The following SLC38A11 variants were observed in gnomAD, a reference collection of about 807,000 sequenced individuals.
SLC38A11 encodes solute carrier family 38 member 11, also known as putative sodium-coupled neutral amino acid transporter 11.
SLC38A11 carries 51 observed loss-of-function variants against 49.4 expected under a neutral mutation model. The ratio of observed to expected loss-of-function variants is 1.03; its 90% CI spans 0.83 to 1.30. The LOEUF (loss-of-function observed/expected upper bound fraction) is 1.30, where lower values mean the gene tolerates loss of function less well. SLC38A11 is among the 50% of genes most tolerant of loss of function. SLC38A11 has a pLI of 0.00. For synonymous variants in SLC38A11, 203 were observed against 192.9 expected, an observed-to-expected ratio of 1.05 and a Z score of -0.43; for missense variants, 574 against 556.2, an observed-to-expected ratio of 1.03 and a Z score of -0.32.
At chr2:164,947,084 GCTCAA>G (rs1461230708) in intron 3 of SLC38A11, among the ~76,000 whole-genome samples, 1 of 131,180 alleles carries the variant, frequency 7.6e-6, no homozygotes, top group Non-Finnish European at 1.6e-5. Context: ...CTTTTACTCT[GCTCAA>G]GTCCTGGATT....
rs986750104 is a variant in SLC38A11, at chr2:164,894,772, CTG to C, written c.*3663_*3664del. Among the ~76,000 whole-genome samples the C allele has an allele frequency of 6.6e-6, 1 of 152,146 alleles. No individual in the cohort carries two copies. The highest frequency in any genetic ancestry group is 2.4e-5 in the African/African-American group (1 of 41,428). ...ATTGTCGTGGTTTCTCCTCTTCTCA[CTG>C]TGTCTCTAGATGATTTTTCAAAGAG... On this transcript the variant is annotated 3_prime_UTR_variant, in exon 12 of 12. Coordinates refer to ENST00000685975, the MANE Select transcript of SLC38A11 (RefSeq NM_001351537.2).
rs1485197215 is a variant in SLC38A11 at position 164,939,521 on chromosome 2, T to C, written c.466A>G (p.Ile156Val). 3 of 1,610,550 alleles carry C rather than the reference T, an allele frequency of 1.9e-6. No individual in the cohort carries two copies. The highest frequency in any genetic ancestry group is 2.5e-6 in the Non-Finnish European group (3 of 1,177,906). ...PENVFIGRHF[I>V]IGLSTVTFTL... is the part of the protein sequence containing the mutation. ...AAGGTAACTGTGGAAAGTCCAATAA[T>C]GAAGTGGCGACCAATAAACACGTTT... Residue 156 changes from isoleucine (I) to valine (V), a missense_variant, in exon 6 of 12, where the codon ATT becomes GTT. Transcript: ENST00000685975.
chr2:164,914,467 G>T (rs1225939956), intron 9 of SLC38A11, among the ~76,000 whole-genome samples: 1 of 151,942 alleles, frequency 6.6e-6, no homozygotes, highest in South Asian at 2.1e-4. Flanking sequence ...GACAAATATA[G>T]AACAACTGAG....
At chr2:164,911,403 A>G (rs1685390388) in intron 10 of SLC38A11, among the ~76,000 whole-genome samples, 1 of 152,130 alleles carries the variant, frequency 6.6e-6, no homozygotes, top group South Asian at 2.1e-4. Flanking sequence ...ATATAAGCCA[A>G]ATCTACCAAA....
At chr2:164,916,643 T>C (rs1685811911) in intron 7 of SLC38A11, among the ~76,000 whole-genome samples, 1 of 152,172 alleles carries the variant, frequency 6.6e-6, no homozygotes, top group South Asian at 2.1e-4. Flanking sequence ...CCCATGTTTT[T>C]TCCAGGCAGA....
rs1684385134 is a variant in SLC38A11, at chr2:164,896,822, T to C, written c.*1615A>G. ...TTTATGTTCAATAGGCCTTTCTCAC[T>C]ATGAGTCACACAGTGACTCAGCTCT... On this transcript the variant is annotated 3_prime_UTR_variant, in exon 12 of 12. Transcript: ENST00000685975. 1.3e-5 allele frequency: 2 copies of C among 152,130 alleles called. No homozygotes were observed. The highest frequency in any genetic ancestry group is 1.3e-4 in the Admixed American group (2 of 15,252). The allele number at this position is 152,130 out of a possible 1,614,324, so 9.4% of individuals were successfully genotyped here.
chr2:164,915,021 A>G (rs1221489766), intron 9 of SLC38A11, 91 bp downstream of exon 9: 1 of 1,173,432 alleles, frequency 8.5e-7, no homozygotes, highest in Non-Finnish European at 1.2e-6. Context: ...TTGAAATAGA[A>G]CACTGGGCAT....
chr2:164,901,378 C>T (rs1684641019), intron 11 of SLC38A11, among the ~76,000 whole-genome samples: 1 of 151,948 alleles, frequency 6.6e-6, no homozygotes, highest in South Asian at 2.1e-4. Flanking sequence ...TAATTCCATC[C>T]ACAGGATATC....
intron 7 of SLC38A11, among the ~76,000 whole-genome samples, chr2:164,918,975 C>A (rs537054971): frequency 6.6e-6 from 1 of 152,100 alleles, no homozygotes; most frequent in East Asian, 1.9e-4. Flanking sequence ...ATATAAACAT[C>A]AATTTACCCC....
In SLC38A11 at chr2:164,911,703, A is replaced by G. The variant is rs759201954; in HGVS notation, c.896T>C (p.Phe299Ser). 1.5e-5 allele frequency: 24 copies of G among 1,607,140 alleles called. No homozygotes were observed. The highest frequency in any genetic ancestry group is 1.9e-5 in the Non-Finnish European group (22 of 1,176,538). Residue 299 changes from phenylalanine to serine, a missense_variant, in exon 10 of 12, where the codon TTT becomes TCT. Coordinates refer to ENST00000685975, the MANE Select transcript of SLC38A11 (RefSeq NM_001351537.2). ...NYCRNDDLVT[F>S]GRFCYGVTVI... The stretch of plus-strand genomic sequence containing the variant: ...AGTGACACCATAACAAAATCTTCCA[A>G]ATGTTACCAGGTCATCATTTCTGCA...
intron 11 of SLC38A11, among the ~76,000 whole-genome samples, chr2:164,903,888 T>C (rs530673660): frequency 6.6e-5 from 10 of 152,296 alleles, no homozygotes; most frequent in African/African-American, 2.2e-4. Context: ...TGAATTTTCC[T>C]ACCTGAATAG....
chr2:164,945,759 T>C (rs972314575), intron 3 of SLC38A11, 32 bp from the exon 4 acceptor site: 2 of 1,578,304 alleles, frequency 1.3e-6, no homozygotes, highest in Non-Finnish European at 1.7e-6. Flanking sequence ...AATGTCAGAT[T>C]ACATGTAATA....
intron 7 of SLC38A11, among the ~76,000 whole-genome samples, chr2:164,921,190 A>G (rs1365462402): frequency 6.6e-6 from 1 of 152,236 alleles, no homozygotes; most frequent in East Asian, 1.9e-4. Context: ...CATATTACTT[A>G]GAAATAGAGA....
rs1166293648 is a variant in SLC38A11, at chr2:164,915,936, T to C, written c.655A>G (p.Asn219Asp). ...ATAACCCCGACCGCTTGAATGGCAT[T>C]GGGCTTTGCAAATACCCAAGCGTCT... ...TEDAWVFAKP[N>D]AIQAVGVMSF... Residue 219 changes from asparagine to aspartate, a missense_variant, in exon 8 of 12, where the codon AAT becomes GAT. Coordinates refer to ENST00000685975, the MANE Select transcript of SLC38A11 (RefSeq NM_001351537.2). 2 of 1,602,894 alleles carry C rather than the reference T, an allele frequency of 1.2e-6. No individual in the cohort carries two copies. Among genetic ancestry groups the C allele is most frequent in the East Asian group, 2.2e-5 (1 of 44,680 alleles).
At position 164,947,117 on chromosome 2, in the gene SLC38A11, C is replaced by CTTTTTTTTT. The variant is rs200284770; in HGVS notation, c.230-1399_230-1391dup. 2.0e-3 allele frequency among the ~76,000 whole-genome samples: 147 copies of CTTTTTTTTT among 72,860 alleles called. 15 individuals carry two copies. The highest frequency in any genetic ancestry group is 9.5e-3 in the African/African-American group (123 of 12,954). The allele number at this position is 72,860 out of a possible 152,430, so 47.8% of individuals were successfully genotyped here. On this transcript the variant is annotated intron_variant, in intron 3 of 11. Transcript: ENST00000685975. ...CCTGGATTCTTGGACTTTTTTATCT[C>CTTTTTTTTT]TTTTTTTTTTTTTTTTTTTTTTTTT... is the stretch of plus-strand genomic sequence containing the variant.
intron 4 of SLC38A11, among the ~76,000 whole-genome samples, chr2:164,945,080 A>T (rs1352129276): frequency 6.6e-6 from 1 of 152,142 alleles, no homozygotes; most frequent in Non-Finnish European, 1.5e-5. Flanking sequence ...GACATATGGA[A>T]CTAGTGGTTT....
chr2:164,896,585 T>C lies in SLC38A11; in HGVS notation c.*1852A>G, dbSNP rs1684380658. 1 of 152,152 alleles carries C rather than the reference T, an allele frequency of 6.6e-6. No homozygotes were observed. The highest frequency in any genetic ancestry group is 1.9e-4 in the East Asian group (1 of 5,202). The allele number at this position is 152,152 out of a possible 1,614,324, so 9.4% of individuals were successfully genotyped here. A position where few individuals can be genotyped will look rare whatever the true frequency, so the allele number is the denominator to read the frequency against. On this transcript the variant is annotated 3_prime_UTR_variant, in exon 12 of 12. Coordinates refer to ENST00000685975, the MANE Select transcript of SLC38A11 (RefSeq NM_001351537.2). ...TTACATGGAATGAAAGCATTTTTATTATATTTTACCTAAACATGTACCAAT... is the reference window on the plus strand; with the variant it reads ...TTACATGGAATGAAAGCATTTTTATCATATTTTACCTAAACATGTACCAAT...
At chr2:164,926,592 A>G (rs1014327537) in intron 7 of SLC38A11, among the ~76,000 whole-genome samples, 1 of 152,002 alleles carries the variant, frequency 6.6e-6, no homozygotes, top group Admixed American at 6.6e-5. Context: ...TATTCACAAT[A>G]GCAAAGACTT....
rs200528407 is a variant in SLC38A11, at chr2:164,911,628, G to T, written c.963+8C>A. ...CTGGGTAAAGCGTTGGGAAGGAACCGCGCTTACCTCTCTTGTCACAAAGCA... is the reference window on the plus strand; with the variant it reads ...CTGGGTAAAGCGTTGGGAAGGAACCTCGCTTACCTCTCTTGTCACAAAGCA... On this transcript the variant is annotated splice_region_variant and intron_variant, in intron 10 of 11. Transcript: ENST00000685975. 2.2e-5 allele frequency: 32 copies of T among 1,483,352 alleles called. No individual in the cohort carries two copies. In the East Asian group the frequency reaches 6.5e-4, roughly 30 times the overall value. 91.9% of individuals were successfully genotyped at this position (1,483,352 alleles called of 1,614,324 possible).
Sources: allele counts gnomAD v4.1 joint callset (sites outside exome capture counted in the v4.1 genomes callset), GRCh38; gene constraint gnomAD v4.1.1; transcripts MANE v1.5; gene names NCBI Gene and HGNC (gene_info 2026-07-23, HGNC 2026-07-21).